NELL2: variants seen among roughly 807,000 people sequenced by gnomAD.
The protein encoded by NELL2 is protein kinase C-binding protein NELL2.
In NELL2, 41 loss-of-function variants were observed where a neutral mutation model predicts 109.6. The observed-to-expected ratio is 0.37, with a 90% confidence interval of 0.29 to 0.49. The LOEUF (loss-of-function observed/expected upper bound fraction) is 0.49, where lower values mean the gene tolerates loss of function less well. NELL2 is among the 20% of genes least tolerant of loss of function. NELL2 has a pLI of 0.98. For synonymous variants in NELL2, 355 were observed against 344.7 expected (o/e 1.03, Z -0.33); for missense variants, 900 against 1,008.3 (o/e 0.89, Z 1.45).
At chr12:44,654,714 C>T (rs541630486) in intron 13 of NELL2, among the ~76,000 whole-genome samples, 92 of 152,094 alleles carry the variant, frequency 6.0e-4, no homozygotes, top group Non-Finnish European at 1.1e-3. Context: ...AACTCTATCT[C>T]AGGGCCCAAA....
At chr12:44,837,537 T>A (rs1944091883) in intron 2 of NELL2, among the ~76,000 whole-genome samples, 1 of 152,146 alleles carries the variant, frequency 6.6e-6, no homozygotes, top group East Asian at 1.9e-4. Context: ...AATGGCCAGA[T>A]GAGCGTATGA....
At chr12:44,731,222 A>G (rs1214443915) in intron 9 of NELL2, among the ~76,000 whole-genome samples, 1 of 152,122 alleles carries the variant, frequency 6.6e-6, no homozygotes, top group Non-Finnish European at 1.5e-5. Context: ...CATTGAAGAA[A>G]ATTGAACACT....
At position 44,709,285 on chromosome 12, in the gene NELL2, T is replaced by C. The variant is rs575785142; in HGVS notation, c.1189+2007A>G. ...AGTGATGTGGTGCCAGTTCCAGACCTAGTATTTGAAGGCCTGAGTCACCAC... is the reference window on the plus strand; with the variant it reads ...AGTGATGTGGTGCCAGTTCCAGACCCAGTATTTGAAGGCCTGAGTCACCAC... On this transcript the variant is annotated intron_variant, in intron 11 of 19. Coordinates refer to ENST00000429094, the MANE Select transcript of NELL2 (RefSeq NM_001145108.2). Among the ~76,000 whole-genome samples the C allele has an allele frequency of 3.3e-5, 5 of 152,264 alleles. No individual in the cohort carries two copies. In the South Asian group the frequency reaches 1.0e-3, roughly 32 times the overall value.
At chr12:44,587,905 A>G (rs932279499) in intron 15 of NELL2, among the ~76,000 whole-genome samples, 7 of 152,174 alleles carry the variant, frequency 4.6e-5, no homozygotes, top group Non-Finnish European at 1.0e-4. Context: ...TAATCCCAGC[A>G]CTTTGGGAGG....
At chr12:44,915,377 T>G (rs145455842), upstream of NELL2, among the ~76,000 whole-genome samples, 727 of 152,368 alleles carry the variant, frequency 4.8e-3, 6 homozygotes, top group African/African-American at 0.017. Context: ...AATTGAATTT[T>G]GCTTTATTTC....
chr12:44,788,885 C>T (rs1942278307), intron 3 of NELL2, among the ~76,000 whole-genome samples: 1 of 152,048 alleles, frequency 6.6e-6, no homozygotes, highest in East Asian at 1.9e-4. Context: ...CTGTGACTGC[C>T]AGCTTTCCCC....
chr12:44,655,106 C>A (rs1287282753), intron 13 of NELL2, among the ~76,000 whole-genome samples: 10 of 152,118 alleles, frequency 6.6e-5, no homozygotes. Context: ...ATATAAAAAT[C>A]TTGAAGTGAA....
At chr12:44,852,513 T>A (rs1944563150) in intron 2 of NELL2, among the ~76,000 whole-genome samples, 1 of 152,222 alleles carries the variant, frequency 6.6e-6, no homozygotes, top group African/African-American at 2.4e-5. Context: ...ATGAGACAGC[T>A]AAGATAGTGT....
intron 9 of NELL2, among the ~76,000 whole-genome samples, chr12:44,742,830 G>A (rs139850374): frequency 5.1e-4 from 77 of 152,262 alleles, no homozygotes; most frequent in African/African-American, 1.3e-3. Context: ...TCTGATTGGC[G>A]TACCTGAAAG....
chr12:44,588,873 C>T (rs1367745621), intron 15 of NELL2, among the ~76,000 whole-genome samples: 1 of 152,182 alleles, frequency 6.6e-6, no homozygotes, highest in Non-Finnish European at 1.5e-5. Flanking sequence ...CCCTTCCATC[C>T]CTTGCCTTTG....
At chr12:44,767,857 G>A (rs1290432715) in intron 9 of NELL2, among the ~76,000 whole-genome samples, 4 of 152,150 alleles carry the variant, frequency 2.6e-5, no homozygotes, top group African/African-American at 9.7e-5. Flanking sequence ...GAAGTTTGGA[G>A]GAGAAAGAAT....
intron 1 of NELL2, among the ~76,000 whole-genome samples, chr12:44,908,824 A>G (rs989012879): frequency 6.6e-6 from 1 of 152,036 alleles, no homozygotes; most frequent in Non-Finnish European, 1.5e-5. Flanking sequence ...AAAAATAAAT[A>G]ATTAAAAGTT....
At position 44,748,437 on chromosome 12, in the gene NELL2, A is replaced by G. The variant is rs116223119; in HGVS notation, c.994+26310T>C. On this transcript the variant is annotated intron_variant, in intron 9 of 19. Coordinates refer to ENST00000429094, the MANE Select transcript of NELL2 (RefSeq NM_001145108.2). ...CGTCATGATCCTATGTTTTACAGAA[A>G]TAATAAAAATAAAGATCCTATCTAA... Among the ~76,000 whole-genome samples, 841 of 152,268 alleles carry G rather than the reference A, an allele frequency of 5.5e-3. 13 individuals carry two copies. The highest frequency in any genetic ancestry group is 0.019 in the African/African-American group (791 of 41,552).
At chr12:44,743,696 A>T (rs890067397) in intron 9 of NELL2, among the ~76,000 whole-genome samples, 5 of 152,224 alleles carry the variant, frequency 3.3e-5, no homozygotes, top group African/African-American at 4.8e-5. Context: ...ATCAAAAGAG[A>T]CAAAGAAGGC....
chr12:44,707,218 A>G (rs1937935070), intron 11 of NELL2, among the ~76,000 whole-genome samples: 2 of 152,168 alleles, frequency 1.3e-5, no homozygotes, highest in Admixed American at 1.3e-4. Flanking sequence ...CCTGGACACA[A>G]CAATTTCTTC....
chr12:44,897,883 C>T (rs1205293561), intron 1 of NELL2, among the ~76,000 whole-genome samples: 1 of 152,168 alleles, frequency 6.6e-6, no homozygotes, highest in East Asian at 1.9e-4. Context: ...AGTCTTGCTG[C>T]CAGCCCAGCA....
chr12:44,666,554 G>A (rs757012530), intron 12 of NELL2, among the ~76,000 whole-genome samples: 1 of 152,182 alleles, frequency 6.6e-6, no homozygotes, highest in African/African-American at 2.4e-5. Context: ...CACTACAGGG[G>A]CCATGTCATT....
At chr12:44,551,488 T>C (rs1411965711) in intron 15 of NELL2, among the ~76,000 whole-genome samples, 1 of 150,774 alleles carries the variant, frequency 6.6e-6, no homozygotes, top group East Asian at 1.9e-4. Context: ...CAGATCTGTA[T>C]AGCAGGAGTA....
rs561799824 is a variant in NELL2, at chr12:44,912,659, T to C, written c.38+1140A>G. ...TTTATTCTTCCACCTAATAAACTTT[T>C]ATTTAGTACCTTCTACATGCTAAGC... On this transcript the variant is annotated intron_variant, in intron 1 of 20. Transcript: ENST00000333837. Among the ~76,000 whole-genome samples, 7 of 152,284 alleles carry C rather than the reference T, an allele frequency of 4.6e-5. No individual in the cohort carries two copies. In the East Asian group the frequency reaches 1.3e-3, roughly 29 times the overall value.
Sources: allele counts gnomAD v4.1 joint callset (sites outside exome capture counted in the v4.1 genomes callset), GRCh38; gene constraint gnomAD v4.1.1; transcripts MANE v1.5; gene names NCBI Gene and HGNC (gene_info 2026-07-23, HGNC 2026-07-21).